Variants in PCDHA10 observed in about 807,000 individuals in gnomAD.
The protein encoded by PCDHA10 is protocadherin alpha 10.
PCDHA10 carries 45 observed loss-of-function variants against 61.2 expected under a neutral mutation model. The observed-to-expected ratio is 0.74, with a 90% CI of 0.58 to 0.94. The LOEUF (loss-of-function observed/expected upper bound fraction) is 0.94, where lower values mean the gene tolerates loss of function less well. Ranked by LOEUF, PCDHA10 falls within the 40% of genes least tolerant of loss-of-function variation. The pLI is 0.00. For missense variants in PCDHA10, 1,278 were observed against 1,236.2 expected, an observed-to-expected ratio of 1.03 and a Z score of -0.51; for synonymous variants, 602 against 548.8, an observed-to-expected ratio of 1.10 and a Z score of -1.35.
chr5:140,926,170 C>T lies in PCDHA10; in HGVS notation c.2389-52779C>T, dbSNP rs558750358. 2.6e-5 allele frequency among the ~76,000 whole-genome samples: 4 copies of T among 151,860 alleles called. No homozygotes were observed. In the South Asian group the frequency reaches 6.6e-4, roughly 25 times the overall value. On this transcript the variant is annotated intron_variant, in intron 1 of 3. Coordinates refer to ENST00000307360, the MANE Select transcript of PCDHA10 (RefSeq NM_018901.4). ...CGGAAAGCTCTGCAGCAGGATCCAG[C>T]GCGGAAAGCCCCCCGCAGCACTTCT...
chr5:140,992,369 A>G (rs1554252849), intron 3 of PCDHA10, among the ~76,000 whole-genome samples: 1 of 152,188 alleles, frequency 6.6e-6, no homozygotes, highest in Non-Finnish European at 1.5e-5. Context: ...AATGGTTCCC[A>G]TTACATTATT....
intron 2 of PCDHA10, 142 bp from the exon 3 acceptor site, chr5:140,982,333 A>C (rs2096978357): frequency 1.4e-6 from 2 of 1,438,566 alleles, no homozygotes; most frequent in Admixed American, 4.6e-5. Context: ...ACTGCTCAGC[A>C]GTAATTGCTT....
At position 140,978,930 on chromosome 5, in the gene PCDHA10, T is replaced by C; in HGVS notation, c.2389-19T>C. On this transcript the variant is annotated intron_variant, in intron 1 of 3. Transcript: ENST00000307360. ...TTGTCTTGTCATTTTAACAGAAAAC[T>C]CTCTTTGTGATTTTGCAGCCACGAC... 2 of 1,614,088 alleles carry C rather than the reference T, an allele frequency of 1.2e-6. No individual in the cohort carries two copies. Among genetic ancestry groups the C allele is most frequent in the South Asian group, 1.1e-5 (1 of 91,072 alleles).
At chr5:140,925,217 G>T (rs1217593393) in intron 1 of PCDHA10, among the ~76,000 whole-genome samples, 1 of 152,154 alleles carries the variant, frequency 6.6e-6, no homozygotes, top group Non-Finnish European at 1.5e-5. Flanking sequence ...ATACTTTTAG[G>T]CAGGTTTCTA....
At chr5:140,941,217 T>TCCTTTCTTTCTTTCTTTCTTTCTG (rs2092892388) in intron 1 of PCDHA10, among the ~76,000 whole-genome samples, 1 of 126,078 alleles carries the variant, frequency 7.9e-6, no homozygotes, top group Non-Finnish European at 1.7e-5. Context: ...CTTTCTTCCT[T>TCCTTTCTTTCTTTCTTTCTTTCTG]TCTTTCTTTC....
At chr5:140,941,505 C>T (rs536733497) in intron 1 of PCDHA10, among the ~76,000 whole-genome samples, 11 of 151,390 alleles carry the variant, frequency 7.3e-5, no homozygotes, top group East Asian at 1.9e-4. Flanking sequence ...TTAGTAGAGA[C>T]GAGGTTTCAC....
intron 3 of PCDHA10, among the ~76,000 whole-genome samples, chr5:140,998,919 A>G (rs781864069): frequency 6.6e-6 from 1 of 152,248 alleles, no homozygotes; most frequent in Non-Finnish European, 1.5e-5. Flanking sequence ...TAGCTATTAT[A>G]TCCATTTTAC....
At chr5:140,928,109 A>C (rs1472439079) in intron 1 of PCDHA10, 1 of 1,613,986 alleles carries the variant, frequency 6.2e-7, no homozygotes, top group African/African-American at 1.3e-5. Context: ...CTGGACCGGG[A>C]GCAGATCAGT....
At chr5:140,933,073 T>C (rs1198976304) in intron 1 of PCDHA10, among the ~76,000 whole-genome samples, 1 of 152,026 alleles carries the variant, frequency 6.6e-6, no homozygotes, top group Non-Finnish European at 1.5e-5. Context: ...TAAAGTATTA[T>C]GGGAAGTAAG....
chr5:140,926,609 G>T, intron 1 of PCDHA10: 1 of 350,856 alleles, frequency 2.9e-6, no homozygotes, highest in Non-Finnish European at 5.0e-6. Flanking sequence ...CCTCGTCTCT[G>T]CACCCCTAGG....
intron 1 of PCDHA10, chr5:140,859,181 G>A (rs1006816858): frequency 6.7e-6 from 1 of 149,700 alleles, no homozygotes; most frequent in Admixed American, 6.7e-5. Context: ...ATCAGCATTA[G>A]GCATTGCTTA....
At chr5:140,929,557 A>AT (rs2086230665) in intron 1 of PCDHA10, 1 of 478,260 alleles carries the variant, frequency 2.1e-6, no homozygotes, top group Non-Finnish European at 3.6e-6. Flanking sequence ...ATTAAAACCT[A>AT]TTTAAGAACA....
intron 1 of PCDHA10, chr5:140,883,650 C>A: frequency 6.2e-7 from 1 of 1,613,572 alleles, no homozygotes; most frequent in East Asian, 2.2e-5. Flanking sequence ...CCCGAGTACA[C>A]GGTGTTCGTG....
chr5:140,886,841 A>G lies in PCDHA10; in HGVS notation c.2388+28405A>G, dbSNP rs11748230. ...GACTTCGTCTTGAAAAAAAAAAAAA[A>G]AAAAAAGAAAGGTCTTCCCAACTCC... is the stretch of plus-strand genomic sequence containing the variant. On this transcript the variant is annotated intron_variant, in intron 1 of 3. Transcript: ENST00000307360. Among the ~76,000 whole-genome samples the G allele has an allele frequency of 9.0e-3, 1,368 of 151,662 alleles. 8 individuals are homozygous for G. Among genetic ancestry groups the G allele is most frequent in the Non-Finnish European group, 0.016 (1,078 of 67,864 alleles).
intron 1 of PCDHA10, chr5:140,875,832 C>A: frequency 1.2e-6 from 2 of 1,614,086 alleles, no homozygotes; most frequent in South Asian, 1.1e-5. Flanking sequence ...TCCATGTGGA[C>A]GTGGAGGTGA....
At chr5:140,955,716 A>G (rs2095221843) in intron 1 of PCDHA10, among the ~76,000 whole-genome samples, 1 of 152,220 alleles carries the variant, frequency 6.6e-6, no homozygotes, top group African/African-American at 2.4e-5. Flanking sequence ...TAATAGGAAT[A>G]CCATTGAATC....
At chr5:140,919,393 T>C (rs2079115816) in intron 1 of PCDHA10, among the ~76,000 whole-genome samples, 1 of 152,222 alleles carries the variant, frequency 6.6e-6, no homozygotes, top group South Asian at 2.1e-4. Flanking sequence ...GGATGTTGTT[T>C]TCCTAAAAAC....
intron 1 of PCDHA10, chr5:140,882,621 AT>A (rs1447184799): frequency 1.2e-6 from 2 of 1,614,094 alleles, no homozygotes; most frequent in Non-Finnish European, 1.7e-6. Flanking sequence ...CAGGTTTTCC[AT>A]GTGGAGGTGA....
intron 1 of PCDHA10, chr5:140,882,003 G>C: frequency 2.0e-6 from 1 of 492,180 alleles, no homozygotes; most frequent in Non-Finnish European, 3.4e-6. Flanking sequence ...AATGCAAGGG[G>C]CAAAAAAATA....
Sources: allele counts gnomAD v4.1 joint callset (sites outside exome capture counted in the v4.1 genomes callset), GRCh38; gene constraint gnomAD v4.1.1; transcripts MANE v1.5; gene names NCBI Gene and HGNC (gene_info 2026-07-23, HGNC 2026-07-21).